MUC15: variants seen among roughly 807,000 people sequenced by gnomAD.
The protein encoded by MUC15 is mucin 15, cell surface associated.
Under a neutral mutation model 24.0 loss-of-function variants are expected in MUC15, and 23 were observed. The ratio of observed to expected loss-of-function variants is 0.96; its 90% CI spans 0.69 to 1.36. The LOEUF (loss-of-function observed/expected upper bound fraction) is 1.36, where lower values mean the gene tolerates loss of function less well. MUC15 is among the 40% of genes most tolerant of loss of function. The pLI, the probability that MUC15 is intolerant of heterozygous loss-of-function variation, is 0.00. For missense variants in MUC15, 442 were observed against 428.2 expected (o/e 1.03, Z -0.29); for synonymous variants, 151 against 156.3 (o/e 0.97, Z 0.25).
intron 1 of MUC15, among the ~76,000 whole-genome samples, chr11:26,571,196 C>T (rs111895233): frequency 6.9e-4 from 105 of 151,946 alleles, no homozygotes; most frequent in African/African-American, 2.4e-3. Flanking sequence ...AAAGTTTCTC[C>T]GAAAGGAAAG....
chr11:26,568,882 C>T (rs910879004), intron 1 of MUC15, among the ~76,000 whole-genome samples: 2 of 152,140 alleles, frequency 1.3e-5, no homozygotes, highest in African/African-American at 2.4e-5. Context: ...TCATTATCTA[C>T]GGCATGTGAT....
In MUC15 at chr11:26,565,175, A is replaced by C; in HGVS notation, c.765T>G (p.Asp255Glu). 2.0e-6 allele frequency: 3 copies of C among 1,502,624 alleles called. No individual in the cohort carries two copies. The highest frequency in any genetic ancestry group is 1.8e-6 in the Non-Finnish European group (2 of 1,126,226). 93.1% of individuals were successfully genotyped at this position (1,502,624 alleles called of 1,614,324 possible). Reference protein sequence around the residue: ...NNSKLFPNTSDPQKENRNTGI... With the variant: ...NNSKLFPNTSEPQKENRNTGI... ...ATCATTTATATTTACCTTTTTGGGGATCTGACGTATTTGGAAAGAGTTTTG... is the reference window on the plus strand; with the variant it reads ...ATCATTTATATTTACCTTTTTGGGGCTCTGACGTATTTGGAAAGAGTTTTG... Residue 255 changes from aspartate to glutamate, a missense_variant, in exon 3 of 5, where the codon GAT becomes GAG. By Grantham distance (45) the Asp-to-Glu change is conservative (BLOSUM62 2). Coordinates refer to ENST00000529533, the MANE Select transcript of MUC15 (RefSeq NM_001135091.2).
In MUC15 at chr11:26,565,251, G is replaced by A. The variant is rs754896343; in HGVS notation, c.689C>T (p.Pro230Leu). Residue 230 changes from proline to leucine, a missense_variant, in exon 3 of 5, where the codon CCT (proline) becomes CTT (leucine). Transcript: ENST00000529533. ...CTGTAGAGTTGTTTTTTCTTGATAA[G>A]GGGTAAACCCAGTGAAGCTATCACT... is the stretch of plus-strand genomic sequence containing the variant. ...TNSDSFTGFT[P>L]YQEKTTLQPT... is the part of the protein sequence containing the mutation. The A allele has an allele frequency of 6.4e-7, 1 of 1,558,652 alleles. No homozygotes were observed. The highest frequency in any genetic ancestry group is 8.7e-7 in the Non-Finnish European group (1 of 1,149,886).
rs1590553521 is a variant in MUC15 at position 26,566,946 on chromosome 11, A to T, written c.43+106T>A. 4 of 1,045,400 alleles carry T rather than the reference A, an allele frequency of 3.8e-6. No homozygotes were observed. In the South Asian group the frequency reaches 1.4e-4, roughly 38 times the overall value. 64.8% of individuals were successfully genotyped at this position (1,045,400 alleles called of 1,614,324 possible). A position where few individuals can be genotyped will look rare whatever the true frequency, so the allele number is the denominator to read the frequency against. On this transcript the variant is annotated intron_variant, in intron 2 of 4. Transcript: ENST00000529533. ...CTCTAAACAAGATCTAGCCTAAAGT[A>T]AACACTTAATAGATGCTAACCTCCA... is the stretch of plus-strand genomic sequence containing the variant.
At chr11:26,563,361 C>T (rs968369502) in intron 3 of MUC15, 96 bp from the exon 4 acceptor site, 11 of 1,229,214 alleles carry the variant, frequency 8.9e-6, no homozygotes, top group African/African-American at 1.6e-5. Context: ...GAATGTTTAA[C>T]ATTTTAAAAT....
chr11:26,561,350 A>C (rs1293683837), intron 4 of MUC15, 125 bp from the exon 5 acceptor site: 12 of 706,114 alleles, frequency 1.7e-5, no homozygotes, highest in Non-Finnish European at 2.5e-5. Context: ...TGGGCTTTTT[A>C]GATTTTAGTT....
At chr11:26,570,605 G>A (rs1367153135) in intron 1 of MUC15, among the ~76,000 whole-genome samples, 1 of 152,072 alleles carries the variant, frequency 6.6e-6, no homozygotes, top group African/African-American at 2.4e-5. Context: ...ATAAAAACAT[G>A]TTTCTATAGT....
At chr11:26,569,531 T>C (rs927138360) in intron 1 of MUC15, among the ~76,000 whole-genome samples, 1 of 152,040 alleles carries the variant, frequency 6.6e-6, no homozygotes, top group Admixed American at 6.6e-5. Context: ...TCATCCGTTA[T>C]TCAGAACCCC....
Position 26,559,590 on chromosome 11 carries a change from A to C in MUC15, c.*1475T>G. On this transcript the variant is annotated 3_prime_UTR_variant, in exon 5 of 5. Transcript: ENST00000529533. ...AGACCCATGAAAGGAATTCATATATAATATTTCTGTACTATAAAATAATAT... is the reference window on the plus strand; with the variant it reads ...AGACCCATGAAAGGAATTCATATATCATATTTCTGTACTATAAAATAATAT... 1 of 665,518 alleles carries C rather than the reference A, an allele frequency of 1.5e-6. No homozygotes were observed. The highest frequency in any genetic ancestry group is 2.6e-6 in the Non-Finnish European group (1 of 378,690). The allele number at this position is 665,518 out of a possible 1,614,324, so 41.2% of individuals were successfully genotyped here.
At chr11:26,569,960 G>C (rs1850755033) in intron 1 of MUC15, among the ~76,000 whole-genome samples, 1 of 151,970 alleles carries the variant, frequency 6.6e-6, no homozygotes, top group Non-Finnish European at 1.5e-5. Flanking sequence ...CATCTGGGTG[G>C]TAGCTCCTAA....
intron 3 of MUC15, among the ~76,000 whole-genome samples, chr11:26,564,743 A>ATTTGTTTT (rs1403734403): frequency 3.4e-5 from 1 of 29,450 alleles, no homozygotes; most frequent in Non-Finnish European, 7.6e-5. Flanking sequence ...ATATATATAT[A>ATTTGTTTT]TATATATATA....
chr11:26,562,096 C>A (rs1850316970), intron 4 of MUC15, among the ~76,000 whole-genome samples: 1 of 151,702 alleles, frequency 6.6e-6, no homozygotes, highest in Admixed American at 6.6e-5. Context: ...TAGATTGTAT[C>A]AATTTTTGAT....
At chr11:26,564,339 A>G (rs1332008601) in intron 3 of MUC15, among the ~76,000 whole-genome samples, 2 of 151,650 alleles carry the variant, frequency 1.3e-5, no homozygotes, top group African/African-American at 2.4e-5. Context: ...ACATTCAAAC[A>G]GGAATTTGTA....
intron 3 of MUC15, 140 bp from the exon 4 acceptor site, chr11:26,563,405 G>GTA: frequency 7.8e-6 from 3 of 384,736 alleles, no homozygotes; most frequent in Non-Finnish European, 8.5e-6. Context: ...CTGTGTGTGT[G>GTA]TGTGTGTGTG....
In MUC15 at chr11:26,561,078, C is replaced by A. The variant is rs560016592; in HGVS notation, c.1073G>T (p.Arg358Leu). 7 of 1,610,652 alleles carry A rather than the reference C, an allele frequency of 4.3e-6. No individual in the cohort carries two copies. The South Asian group carries it at 7.7e-5, about 18-fold the overall frequency. The change falls in exon 5 of 5, where the codon CGT (arginine) becomes CTT (leucine). Residue 358 changes from arginine (R) to leucine (L), a missense_variant. Transcript: ENST00000529533. The part of the protein sequence containing the change: ...GIPMDDIPPL[R>L]TSV ...TTGCTGTTAGTTCTATACAGAAGTA[C>A]GAAGTGGAGGTATGTCATCCATAGG...
At chr11:26,564,143 T>G (rs1417555406) in intron 3 of MUC15, among the ~76,000 whole-genome samples, 2 of 151,708 alleles carry the variant, frequency 1.3e-5, no homozygotes, top group Non-Finnish European at 2.9e-5. Context: ...ATAGCAATGG[T>G]AAGAGTAAGT....
intron 3 of MUC15, among the ~76,000 whole-genome samples, chr11:26,564,724 CACACACACATATATATAT>C (rs1446638676): frequency 8.9e-4 from 51 of 57,334 alleles, no homozygotes; most frequent in Admixed American, 1.9e-3. Context: ...CACACACACA[CACACACACATATATATAT>C]ATATATATAT....
In MUC15 at chr11:26,559,733, C is replaced by T. The variant is rs149918645; in HGVS notation, c.*1332G>A. 1.6e-4 allele frequency: 257 copies of T among 1,610,302 alleles called. No homozygotes were observed. In the African/African-American group the frequency reaches 2.2e-3, roughly 14 times the overall value. On this transcript the variant is annotated 3_prime_UTR_variant, in exon 5 of 5. Coordinates refer to ENST00000529533, the MANE Select transcript of MUC15 (RefSeq NM_001135091.2). ...TTTCTACTCAGGTGACATATTTGTT[C>T]GATAATGGAGGGACAGTCTTCTTTG...
rs1554970707 is a variant in MUC15 at position 26,564,692 on chromosome 11, T to TATATACAC, written c.775+472_775+473insGTGTATAT. 1.7e-4 allele frequency among the ~76,000 whole-genome samples: 7 copies of TATATACAC among 41,136 alleles called. 1 individual carries two copies. The Admixed American group carries it at 2.2e-3, about 13-fold the overall frequency. 27.0% of individuals were successfully genotyped at this position (41,136 alleles called of 152,430 possible). The stretch of plus-strand genomic sequence containing the variant: ...ACTCATATATATATACTCATATATA[T>TATATACAC]ACACACACACACACACACACACACA... On this transcript the variant is annotated intron_variant, in intron 3 of 4. Coordinates refer to ENST00000529533, the MANE Select transcript of MUC15 (RefSeq NM_001135091.2).
Sources: allele counts gnomAD v4.1 joint callset (sites outside exome capture counted in the v4.1 genomes callset), GRCh38; gene constraint gnomAD v4.1.1; transcripts MANE v1.5; gene names NCBI Gene and HGNC (gene_info 2026-07-23, HGNC 2026-07-21).